AUTS2: variants seen among roughly 807,000 people sequenced by gnomAD.
AUTS2 encodes autism susceptibility gene 2 protein.
AUTS2 carries 17 observed loss-of-function variants against 112.4 expected under a neutral mutation model. The ratio of observed to expected loss-of-function variants is 0.15; its 90% CI spans 0.10 to 0.23. AUTS2 has a LOEUF of 0.23. AUTS2 is among the 10% of genes least tolerant of loss of function. The pLI, the probability that AUTS2 is intolerant of heterozygous loss-of-function variation, is 1.00. For synonymous variants in AUTS2, 751 were observed against 702.7 expected (o/e 1.07, Z -1.09); for missense variants, 1,510 against 1,701.6 (o/e 0.89, Z 1.98).
chr7:69,689,640 TTTTATTTATTTATTTA>T (rs56128460), intron 1 of AUTS2, among the ~76,000 whole-genome samples: 12,725 of 119,288 alleles, frequency 0.11, 858 homozygotes, highest in East Asian at 0.2. Flanking sequence ...GCACCCGGCC[TTTTATTTATTTATTTA>T]TTTATTTATT....
At chr7:70,069,029 G>A (rs1802631293) in intron 2 of AUTS2, among the ~76,000 whole-genome samples, 1 of 152,176 alleles carries the variant, frequency 6.6e-6, no homozygotes, top group Admixed American at 6.5e-5. Flanking sequence ...AAGCATTGGG[G>A]GACTGACTAG....
At chr7:70,147,177 A>G (rs1807171744) in intron 4 of AUTS2, among the ~76,000 whole-genome samples, 1 of 151,864 alleles carries the variant, frequency 6.6e-6, no homozygotes, top group Admixed American at 6.6e-5. Flanking sequence ...TGCTATAATC[A>G]TGCCTGTAAA....
intron 2 of AUTS2, among the ~76,000 whole-genome samples, chr7:69,925,348 A>T (rs1457998496): frequency 6.6e-6 from 1 of 152,012 alleles, no homozygotes; most frequent in African/African-American, 2.4e-5. Context: ...TTGATTTAAG[A>T]TCTTTCTTCT....
intron 4 of AUTS2, among the ~76,000 whole-genome samples, chr7:70,396,642 G>A (rs938679726): frequency 3.9e-5 from 6 of 152,176 alleles, no homozygotes; most frequent in African/African-American, 1.4e-4. Flanking sequence ...TGCCCAAAGT[G>A]TTGGGACTAC....
chr7:70,383,073 A>G (rs917972211), intron 4 of AUTS2, among the ~76,000 whole-genome samples: 10 of 152,200 alleles, frequency 6.6e-5, no homozygotes, highest in Admixed American at 5.2e-4. Flanking sequence ...ATGTTGATCA[A>G]TAGAAAACTA....
chr7:69,990,969 G>A (rs1016875603), intron 2 of AUTS2, among the ~76,000 whole-genome samples: 3 of 152,172 alleles, frequency 2.0e-5, no homozygotes, highest in Non-Finnish European at 2.9e-5. Flanking sequence ...GATCTAATCA[G>A]CAGTCAGTAG....
At chr7:70,322,035 T>A (rs1562878656) in intron 4 of AUTS2, among the ~76,000 whole-genome samples, 1 of 152,272 alleles carries the variant, frequency 6.6e-6, no homozygotes, top group Non-Finnish European at 1.5e-5. Context: ...ATTCAAAAGG[T>A]TACTTAGAGA....
Position 70,470,935 on chromosome 7 carries a change from G to T in AUTS2, c.690+35154G>T, listed in dbSNP as rs190658108. ...CTGCGAACTTCCTGGATATCTTTAC[G>T]GGGAATCATTCCCGGGGAAGGAAGG... On this transcript the variant is annotated intron_variant, in intron 5 of 18. Transcript: ENST00000342771. 4.6e-5 allele frequency among the ~76,000 whole-genome samples: 7 copies of T among 152,204 alleles called. 1 individual carries two copies. The East Asian group carries it at 1.4e-3, about 29-fold the overall frequency.
intron 5 of AUTS2, among the ~76,000 whole-genome samples, chr7:70,540,220 G>C (rs865976454): frequency 6.6e-6 from 1 of 152,124 alleles, no homozygotes; most frequent in Non-Finnish European, 1.5e-5. Context: ...TGGTGGAGGT[G>C]GTGGTCATTC....
chr7:69,898,621 A>G (rs1308829853), intron 1 of AUTS2, among the ~76,000 whole-genome samples: 1 of 152,194 alleles, frequency 6.6e-6, no homozygotes, highest in Non-Finnish European at 1.5e-5. Flanking sequence ...ATTCAAGGAC[A>G]TTGATTTCCC....
chr7:70,778,726 T>C (rs924769106), intron 14 of AUTS2, among the ~76,000 whole-genome samples: 2 of 152,224 alleles, frequency 1.3e-5, no homozygotes, highest in African/African-American at 2.4e-5. Flanking sequence ...TTGTACTTTA[T>C]TGTTAGGGGA....
At position 70,492,295 on chromosome 7, in the gene AUTS2, G is replaced by A. The variant is rs184091834; in HGVS notation, c.690+56514G>A. ...ACCTTCCCCCAAATAGCCATTGAGC[G>A]AATCCAGCCACCACTCCCGTCAGGT... On this transcript the variant is annotated intron_variant, in intron 5 of 18. Coordinates refer to ENST00000342771, the MANE Select transcript of AUTS2 (RefSeq NM_015570.4). Among the ~76,000 whole-genome samples, 305 of 151,932 alleles carry A rather than the reference G, an allele frequency of 2.0e-3. 2 individuals carry two copies. The highest frequency in any genetic ancestry group is 6.6e-3 in the African/African-American group (271 of 41,344).
At chr7:70,497,472 A>T (rs1798603824) in intron 5 of AUTS2, among the ~76,000 whole-genome samples, 1 of 152,228 alleles carries the variant, frequency 6.6e-6, no homozygotes, top group Admixed American at 6.5e-5. Flanking sequence ...CCATGGTTAG[A>T]CTTTCTTGTT....
intron 5 of AUTS2, among the ~76,000 whole-genome samples, chr7:70,517,832 ACC>A (rs913843286): frequency 6.6e-5 from 10 of 151,944 alleles, no homozygotes; most frequent in Middle Eastern, 3.4e-3. Context: ...ATTTGTATAT[ACC>A]CACACACACA....
chr7:69,664,783 T>C (rs1037696587), intron 1 of AUTS2, among the ~76,000 whole-genome samples: 1 of 152,210 alleles, frequency 6.6e-6, no homozygotes, highest in Non-Finnish European at 1.5e-5. Context: ...CGATATAACA[T>C]GGCAAGAATA....
In AUTS2 at chr7:70,455,556, G is replaced by C. The variant is rs184294584; in HGVS notation, c.690+19775G>C. Among the ~76,000 whole-genome samples the C allele has an allele frequency of 6.6e-5, 10 of 152,282 alleles. No homozygotes were observed. The East Asian group carries it at 1.9e-3, about 29-fold the overall frequency. On this transcript the variant is annotated intron_variant, in intron 5 of 18. Transcript: ENST00000342771. Reference sequence around the variant, plus strand: ...GCGTGGAGAGGTGGTTCCCTACCTGGCTACACATCACAGTCACTCAGAGTG... The same window carrying C: ...GCGTGGAGAGGTGGTTCCCTACCTGCCTACACATCACAGTCACTCAGAGTG...
chr7:69,871,458 T>G (rs914466447), intron 1 of AUTS2, among the ~76,000 whole-genome samples: 1 of 152,210 alleles, frequency 6.6e-6, no homozygotes, highest in Non-Finnish European at 1.5e-5. Flanking sequence ...CTGTATATAC[T>G]ATGCTTTTTC....
chr7:70,512,325 G>T (rs1420048185), intron 5 of AUTS2, among the ~76,000 whole-genome samples: 1 of 152,192 alleles, frequency 6.6e-6, no homozygotes, highest in African/African-American at 2.4e-5. Flanking sequence ...GATTTCAAAT[G>T]CTGTTTTGAG....
intron 1 of AUTS2, among the ~76,000 whole-genome samples, chr7:69,728,417 A>T (rs766387563): frequency 6.6e-6 from 1 of 152,238 alleles, no homozygotes; most frequent in Non-Finnish European, 1.5e-5. Flanking sequence ...AATGCTTGTG[A>T]AATCTGCATA....
Sources: allele counts gnomAD v4.1 joint callset (sites outside exome capture counted in the v4.1 genomes callset), GRCh38; gene constraint gnomAD v4.1.1; transcripts MANE v1.5; gene names NCBI Gene and HGNC (gene_info 2026-07-23, HGNC 2026-07-21).